Variants in WNT7A observed in about 807,000 individuals in gnomAD.
WNT7A encodes protein Wnt-7a.
In WNT7A, 16 loss-of-function variants were observed where a neutral mutation model predicts 28.2. The observed-to-expected ratio is 0.57, with a 90% CI of 0.38 to 0.86. The LOEUF is 0.86. WNT7A is among the 40% of genes least tolerant of loss of function. WNT7A has a pLI of 0.00. For synonymous variants in WNT7A, 190 were observed against 195.9 expected (o/e 0.97, Z 0.25); for missense variants, 411 against 489.7 (o/e 0.84, Z 1.52).
At chr3:13,855,159 C>T (rs1694708683) in intron 2 of WNT7A, among the ~76,000 whole-genome samples, 1 of 152,224 alleles carries the variant, frequency 6.6e-6, no homozygotes, top group East Asian at 1.9e-4. Flanking sequence ...AAACTGCACA[C>T]GTGCATAAAG....
intron 3 of WNT7A, among the ~76,000 whole-genome samples, chr3:13,853,573 C>T (rs760866858): frequency 2.0e-5 from 3 of 152,198 alleles, no homozygotes; most frequent in African/African-American, 4.8e-5. Flanking sequence ...GCTCATCTCT[C>T]GAGGCCTGTC....
chr3:13,863,001 G>A (rs1240581113), intron 2 of WNT7A, among the ~76,000 whole-genome samples: 1 of 152,188 alleles, frequency 6.6e-6, no homozygotes, highest in Non-Finnish European at 1.5e-5. Flanking sequence ...CTGACAGCGG[G>A]ACCTTGAATG....
chr3:13,853,090 G>A (rs1694665698), intron 3 of WNT7A, among the ~76,000 whole-genome samples: 1 of 83,798 alleles, frequency 1.2e-5, no homozygotes, highest in Non-Finnish European at 2.1e-5. Flanking sequence ...AAGGGTCTAT[G>A]ACTTCTGCCC....
Position 13,880,007 on chromosome 3 carries a change from G to A in WNT7A, c.-191C>T. 1 of 390,148 alleles carries A rather than the reference G, an allele frequency of 2.6e-6. No homozygotes were observed. The highest frequency in any genetic ancestry group is 4.5e-6 in the Non-Finnish European group (1 of 224,674). 24.2% of individuals were successfully genotyped at this position (390,148 alleles called of 1,614,324 possible). A position where few individuals can be genotyped will look rare whatever the true frequency, so the allele number is the denominator to read the frequency against. ...GCACGGGAGCCACGGAGCGGGAGGAGGGAGGGAGGAGCGAGCGCGGCGTGG... is the reference window on the plus strand; with the variant it reads ...GCACGGGAGCCACGGAGCGGGAGGAAGGAGGGAGGAGCGAGCGCGGCGTGG... On this transcript the variant is annotated 5_prime_UTR_variant, in exon 1 of 4. Transcript: ENST00000285018.
At chr3:13,870,976 T>C (rs1000344356) in intron 2 of WNT7A, among the ~76,000 whole-genome samples, 2 of 152,220 alleles carry the variant, frequency 1.3e-5, no homozygotes, top group African/African-American at 4.8e-5. Flanking sequence ...CTCAGCTCTA[T>C]GCAGGAAAAC....
Position 13,856,973 on chromosome 3 carries a change from A to AG in WNT7A, c.299-2171dup, listed in dbSNP as rs1386921630. ...AAGAAGAAGAAGAAGAAGAAGGAGAAGAAGAAGAAGAAGGAGAAGAAGAAG... is the reference window on the plus strand; with the variant it reads ...AAGAAGAAGAAGAAGAAGAAGGAGAAGGAAGAAGAAGAAGGAGAAGAAGAAG... On this transcript the variant is annotated intron_variant, in intron 2 of 3. Transcript: ENST00000285018. Among the ~76,000 whole-genome samples, 265 of 103,302 alleles carry AG rather than the reference A, an allele frequency of 2.6e-3. 1 individual carries two copies. The highest frequency in any genetic ancestry group is 4.5e-3 in the Middle Eastern group (1 of 224). The allele number at this position is 103,302 out of a possible 152,430, so 67.8% of individuals were successfully genotyped here.
At chr3:13,878,088 C>T (rs1296505957) in intron 1 of WNT7A, among the ~76,000 whole-genome samples, 1 of 152,190 alleles carries the variant, frequency 6.6e-6, no homozygotes, top group African/African-American at 2.4e-5. Context: ...CAGAGGGCAG[C>T]TTGGGGCGGA....
At chr3:13,842,043 G>A (rs537222042) in intron 3 of WNT7A, among the ~76,000 whole-genome samples, 1 of 152,158 alleles carries the variant, frequency 6.6e-6, no homozygotes, top group South Asian at 2.1e-4. Context: ...GGAGACCGCT[G>A]CAGGGGGACA....
At chr3:13,855,848 C>T (rs1001967668) in intron 2 of WNT7A, among the ~76,000 whole-genome samples, 3 of 152,164 alleles carry the variant, frequency 2.0e-5, no homozygotes, top group African/African-American at 7.2e-5. Context: ...GAACCCAGAG[C>T]AGGCAAAGGG....
chr3:13,858,774 G>A (rs946442991), intron 2 of WNT7A, among the ~76,000 whole-genome samples: 15 of 152,166 alleles, frequency 9.9e-5, no homozygotes, highest in African/African-American at 3.6e-4. Flanking sequence ...GGCTGGTAAA[G>A]TCCAGTCCTT....
chr3:13,868,754 G>GAGGGAAGGGA (rs1243817765), intron 2 of WNT7A, among the ~76,000 whole-genome samples: 1 of 141,458 alleles, frequency 7.1e-6, no homozygotes, highest in Admixed American at 6.9e-5. Flanking sequence ...AGAAAGAAAG[G>GAGGGAAGGGA]AGGGAAGGGA....
At chr3:13,855,065 G>A (rs1694707501) in intron 2 of WNT7A, among the ~76,000 whole-genome samples, 1 of 152,242 alleles carries the variant, frequency 6.6e-6, no homozygotes, top group Non-Finnish European at 1.5e-5. Flanking sequence ...TGGTTGCCCA[G>A]GATCTGGAAG....
intron 3 of WNT7A, among the ~76,000 whole-genome samples, chr3:13,847,916 G>A (rs894544220): frequency 3.3e-5 from 5 of 152,182 alleles, no homozygotes; most frequent in African/African-American, 9.6e-5. Context: ...CAGTGAGAGT[G>A]TGCTTGATGC....
rs143637473 is a variant in WNT7A at position 13,870,121 on chromosome 3, C to A, written c.298+4826G>T. 1.9e-3 allele frequency among the ~76,000 whole-genome samples: 285 copies of A among 152,334 alleles called. 2 individuals are homozygous for A. The highest frequency in any genetic ancestry group is 3.5e-3 in the Non-Finnish European group (240 of 68,034). ...CCGCCACACTCCCTCTGCCTTCTCC[C>A]TAAAGCCTGAACCATGCTGCACTCT... On this transcript the variant is annotated intron_variant, in intron 2 of 3. Coordinates refer to ENST00000285018, the MANE Select transcript of WNT7A (RefSeq NM_004625.4).
intron 2 of WNT7A, among the ~76,000 whole-genome samples, chr3:13,865,405 T>C (rs897092133): frequency 4.7e-5 from 5 of 106,278 alleles, no homozygotes; most frequent in African/African-American, 2.2e-4. Flanking sequence ...TCCTAGGCAC[T>C]AGACCTAGTC....
At chr3:13,832,506 C>T (rs1694298042) in intron 3 of WNT7A, among the ~76,000 whole-genome samples, 1 of 151,520 alleles carries the variant, frequency 6.6e-6, no homozygotes. Flanking sequence ...TCCTCCTACT[C>T]TTTCTCCTGC....
intron 2 of WNT7A, among the ~76,000 whole-genome samples, chr3:13,864,373 C>T (rs1057485238): frequency 2.2e-4 from 33 of 152,258 alleles, no homozygotes; most frequent in Admixed American, 1.1e-3. Context: ...TGCAGTCCCT[C>T]GTGCCAAGCC....
At chr3:13,869,024 GAGAAAGT>G (rs1267155820) in intron 2 of WNT7A, among the ~76,000 whole-genome samples, 4 of 143,944 alleles carry the variant, frequency 2.8e-5, no homozygotes, top group Admixed American at 1.4e-4. Context: ...GAGAGAAAGA[GAGAAAGT>G]GAGAGAGAGA....
At chr3:13,849,320 G>T (rs775599997) in intron 3 of WNT7A, among the ~76,000 whole-genome samples, 1 of 152,158 alleles carries the variant, frequency 6.6e-6, no homozygotes, top group Non-Finnish European at 1.5e-5. Flanking sequence ...CACAAACTTG[G>T]TTAAATCTGA....
Sources: allele counts gnomAD v4.1 joint callset (sites outside exome capture counted in the v4.1 genomes callset), GRCh38; gene constraint gnomAD v4.1.1; transcripts MANE v1.5; gene names NCBI Gene and HGNC (gene_info 2026-07-23, HGNC 2026-07-21).